GREM2: variants seen among roughly 807,000 people sequenced by gnomAD.
GREM2 encodes the protein gremlin-2.
In GREM2, 11 loss-of-function variants were observed where a neutral mutation model predicts 14.2. The observed-to-expected ratio is 0.78, with a 90% CI of 0.49 to 1.28. The LOEUF is 1.28. Ranked by LOEUF, GREM2 falls within the 50% of genes most tolerant of loss-of-function variation. The probability of loss-of-function intolerance (pLI) is 0.00; values close to 1 mark genes in which losing one functional copy is unlikely to be tolerated. For synonymous variants in GREM2, 98 were observed against 97.6 expected (o/e 1.00, Z -0.02); for missense variants, 210 against 218.5 (o/e 0.96, Z 0.24).
At chr1:240,578,775 C>T (rs910343810) in intron 1 of GREM2, among the ~76,000 whole-genome samples, 4 of 145,290 alleles carry the variant, frequency 2.8e-5, no homozygotes, top group African/African-American at 1.1e-4. Flanking sequence ...CAGAGTGACA[C>T]TCAGTCTCAA....
At chr1:240,610,780 TG>T (rs1195083158) in intron 1 of GREM2, among the ~76,000 whole-genome samples, 1 of 152,194 alleles carries the variant, frequency 6.6e-6, no homozygotes, top group Non-Finnish European at 1.5e-5. Context: ...AGCCATTCTC[TG>T]GCTGTACTGG....
In GREM2 at chr1:240,542,989, A is replaced by G. The variant is rs116255572; in HGVS notation, c.-1-49513T>C. Among the ~76,000 whole-genome samples the G allele has an allele frequency of 8.6e-3, 1,316 of 152,286 alleles. 15 individuals carry two copies. Among genetic ancestry groups the G allele is most frequent in the African/African-American group, 0.03 (1,237 of 41,554 alleles). Reference sequence around the variant, plus strand: ...TATCACCTTCTTTGTGAAGCCTCTTACTTTCCTTCCGACCCATTGTCAAGA... The same window carrying G: ...TATCACCTTCTTTGTGAAGCCTCTTGCTTTCCTTCCGACCCATTGTCAAGA... On this transcript the variant is annotated intron_variant, in intron 1 of 1. Coordinates refer to ENST00000318160, the MANE Select transcript of GREM2 (RefSeq NM_022469.4). The surrounding 1 kb of genome is among the most constrained non-coding windows in gnomAD (Gnocchi z 4.1).
At chr1:240,589,892 C>T (rs1208559465) in intron 1 of GREM2, among the ~76,000 whole-genome samples, 5 of 152,086 alleles carry the variant, frequency 3.3e-5, no homozygotes, top group African/African-American at 7.2e-5. Flanking sequence ...TGGGTCTGGA[C>T]GGATGGGTAG....
At position 240,564,353 on chromosome 1, in the gene GREM2, C is replaced by G. The variant is rs937695080; in HGVS notation, c.-2+47531G>C. On this transcript the variant is annotated intron_variant, in intron 1 of 1. Transcript: ENST00000318160. ...GAAACCCCATCTCTACCAAAAAATA[C>G]AAAAATTAGCCAGGTGCAGTCACAT... Among the ~76,000 whole-genome samples the G allele has an allele frequency of 6.6e-5, 10 of 151,692 alleles. No individual in the cohort carries two copies. The East Asian group carries it at 1.8e-3, about 27-fold the overall frequency.
intron 1 of GREM2, among the ~76,000 whole-genome samples, chr1:240,567,144 TAA>T (rs937722605): frequency 1.3e-5 from 2 of 152,134 alleles, no homozygotes; most frequent in Non-Finnish European, 2.9e-5. Context: ...AGAAGCTATT[TAA>T]AAAGAAACAC....
At position 240,518,417 on chromosome 1, in the gene GREM2, T is replaced by C. The variant is rs1006028999; in HGVS notation, c.-1-24941A>G. 2.0e-5 allele frequency among the ~76,000 whole-genome samples: 3 copies of C among 152,352 alleles called. No homozygotes were observed. In the East Asian group the frequency reaches 5.8e-4, roughly 29 times the overall value. On this transcript the variant is annotated intron_variant, in intron 1 of 1. Coordinates refer to ENST00000318160, the MANE Select transcript of GREM2 (RefSeq NM_022469.4). ...GAGATAGACCTAATTAAGTCATTCA[T>C]ATGTAAAAGGCAAAATCAACAACTT...
intron 1 of GREM2, among the ~76,000 whole-genome samples, chr1:240,506,835 G>A (rs756535729): frequency 2.8e-4 from 42 of 152,352 alleles, no homozygotes; most frequent in Non-Finnish European, 5.3e-4. Context: ...TTGGAGGCTA[G>A]GGAATTGGCT....
chr1:240,596,964 TA>T (rs1679831378), intron 1 of GREM2, among the ~76,000 whole-genome samples: 1 of 152,124 alleles, frequency 6.6e-6, no homozygotes, highest in South Asian at 2.1e-4. Flanking sequence ...CACAAGTAAA[TA>T]AAAGCTGGAA....
intron 1 of GREM2, among the ~76,000 whole-genome samples, chr1:240,584,643 A>G (rs4571950): frequency 0.35 from 53,260 of 151,968 alleles, 12,274 homozygotes; most frequent in African/African-American, 0.65. Flanking sequence ...CCAGGAGGAT[A>G]AGGCTGCAGT....
chr1:240,582,534 G>A (rs1319085695), intron 1 of GREM2, among the ~76,000 whole-genome samples: 2 of 152,144 alleles, frequency 1.3e-5, no homozygotes, highest in South Asian at 2.1e-4. Context: ...GGTGGCTCAC[G>A]CCTATAATCT....
chr1:240,560,761 T>A (rs939936812), intron 1 of GREM2, among the ~76,000 whole-genome samples: 3 of 152,196 alleles, frequency 2.0e-5, no homozygotes, highest in Non-Finnish European at 4.4e-5. Flanking sequence ...AGCCTTGTAT[T>A]CAAGCTTTTC....
chr1:240,493,260 C>T lies in GREM2; in HGVS notation c.216G>A (p.Trp72Ter). 6.2e-7 allele frequency: 1 copy of T among 1,614,082 alleles called. No homozygotes were observed. The highest frequency in any genetic ancestry group is 8.5e-7 in the Non-Finnish European group (1 of 1,180,014). Reference protein sequence around the residue: ...VTERKYLKSDWCKTQPLRQTV... With the variant: ...VTERKYLKSD Reference sequence around the variant, plus strand: ...TCTGCCGCAGCGGCTGCGTCTTGCACCAGTCACTCTTGAGGTACTTGCGCT... The same window carrying T: ...TCTGCCGCAGCGGCTGCGTCTTGCATCAGTCACTCTTGAGGTACTTGCGCT... Residue 72 changes from tryptophan (W) to a stop codon, truncating the protein, a stop_gained, in exon 2 of 2, where the codon TGG (tryptophan) becomes TGA (stop). Coordinates refer to ENST00000318160, the MANE Select transcript of GREM2 (RefSeq NM_022469.4). LOFTEE classifies it high-confidence loss of function.
At chr1:240,494,597 T>A (rs1677363304) in intron 1 of GREM2, among the ~76,000 whole-genome samples, 1 of 152,142 alleles carries the variant, frequency 6.6e-6, no homozygotes, top group Non-Finnish European at 1.5e-5. Flanking sequence ...GAGTCATAAA[T>A]TAGAGTCTCC....
intron 1 of GREM2, among the ~76,000 whole-genome samples, chr1:240,575,649 T>C (rs1019099028): frequency 3.3e-5 from 5 of 151,968 alleles, no homozygotes; most frequent in African/African-American, 1.2e-4. Flanking sequence ...GTCTCCTGAA[T>C]AGCCGGGATT....
intron 1 of GREM2, among the ~76,000 whole-genome samples, chr1:240,547,992 T>G (rs1000730284): frequency 6.6e-6 from 1 of 151,908 alleles, no homozygotes; most frequent in Non-Finnish European, 1.5e-5. Flanking sequence ...CTGGGCATGG[T>G]GGCTCACACC....
rs962538899 is a variant in GREM2 at position 240,546,835 on chromosome 1, C to T, written c.-1-53359G>A. On this transcript the variant is annotated intron_variant, in intron 1 of 1. Coordinates refer to ENST00000318160, the MANE Select transcript of GREM2 (RefSeq NM_022469.4). Reference sequence around the variant, plus strand: ...GCTAGCATCTTACATGTCAGTAACACGAAGAGGTAACTCGTTCTTCAAGGG... The same window carrying T: ...GCTAGCATCTTACATGTCAGTAACATGAAGAGGTAACTCGTTCTTCAAGGG... 5.3e-5 allele frequency among the ~76,000 whole-genome samples: 8 copies of T among 151,686 alleles called. No homozygotes were observed. In the South Asian group the frequency reaches 8.3e-4, roughly 16 times the overall value.
chr1:240,547,528 T>TAGACAGATAGATAG (rs1262049155), intron 1 of GREM2, among the ~76,000 whole-genome samples: 1 of 113,232 alleles, frequency 8.8e-6, no homozygotes, highest in East Asian at 2.6e-4. Flanking sequence ...TATATATATA[T>TAGACAGATAGATAG]ATATATAGAT....
chr1:240,563,271 T>C (rs1226484842), intron 1 of GREM2, among the ~76,000 whole-genome samples: 1 of 151,990 alleles, frequency 6.6e-6, no homozygotes, highest in Non-Finnish European at 1.5e-5. Context: ...GTTTTTAATT[T>C]AGTGTCTCTT....
At chr1:240,535,798 C>CAAA (rs71170755) in intron 1 of GREM2, among the ~76,000 whole-genome samples, 7 of 130,076 alleles carry the variant, frequency 5.4e-5, no homozygotes, top group African/African-American at 8.7e-5. Flanking sequence ...GACTCCATCG[C>CAAA]AAAAAAAAAA....
Sources: allele counts gnomAD v4.1 joint callset (sites outside exome capture counted in the v4.1 genomes callset), GRCh38; gene constraint gnomAD v4.1.1; non-coding constraint Gnocchi (gnomAD v3.1); transcripts MANE v1.5; gene names NCBI Gene and HGNC (gene_info 2026-07-23, HGNC 2026-07-21).